Variants in MKLN1 observed in about 807,000 individuals in gnomAD.
The protein encoded by MKLN1 is muskelin 1, also known as muskelin.
In MKLN1, 18 loss-of-function variants were observed where a neutral mutation model predicts 99.0. The observed-to-expected ratio is 0.18, with a 90% CI of 0.13 to 0.27. The LOEUF (loss-of-function observed/expected upper bound fraction) is 0.27, where lower values mean the gene tolerates loss of function less well. Among genes scored for constraint, MKLN1 ranks in the 10% least tolerant of loss-of-function variants. MKLN1 has a pLI of 1.00. For missense variants in MKLN1, 621 were observed against 875.9 expected (o/e 0.71, Z 3.67); for synonymous variants, 288 against 293.2 (o/e 0.98, Z 0.18).
intron 1 of MKLN1, among the ~76,000 whole-genome samples, chr7:131,138,647 ACT>A (rs908611105): frequency 4.6e-5 from 7 of 151,804 alleles, no homozygotes; most frequent in African/African-American, 1.7e-4. Context: ...TTAGATGAAA[ACT>A]CTGCTTTAAG....
At chr7:131,425,444 T>C (rs144112895) in intron 8 of MKLN1, among the ~76,000 whole-genome samples, 243 of 152,330 alleles carry the variant, frequency 1.6e-3, no homozygotes, top group Middle Eastern at 6.8e-3. Context: ...ATCTTTCTTA[T>C]GACATTTAGT....
chr7:131,214,227 A>C (rs1478719706), intron 3 of MKLN1, among the ~76,000 whole-genome samples: 1 of 152,112 alleles, frequency 6.6e-6, no homozygotes, highest in Admixed American at 6.6e-5. Context: ...TCAAGTATTC[A>C]TGGGTCCTCT....
At chr7:131,122,797 G>A (rs1337493443) in intron 1 of MKLN1, among the ~76,000 whole-genome samples, 2 of 151,956 alleles carry the variant, frequency 1.3e-5, no homozygotes, top group African/African-American at 4.8e-5. Flanking sequence ...CGAGGCGGGC[G>A]GATCACGAGG....
chr7:131,371,159 T>G (rs1563315702), intron 1 of MKLN1, among the ~76,000 whole-genome samples: 1 of 152,212 alleles, frequency 6.6e-6, no homozygotes, highest in Non-Finnish European at 1.5e-5. Context: ...AGATATTTAT[T>G]AAGTACCTTG....
chr7:131,259,868 A>G (rs1220416516), intron 3 of MKLN1, among the ~76,000 whole-genome samples: 1 of 152,196 alleles, frequency 6.6e-6, no homozygotes, highest in African/African-American at 2.4e-5. Context: ...CAGGCAAGAG[A>G]AAGAAATAAA....
chr7:131,285,394 C>A (rs1798116973), intron 3 of MKLN1, among the ~76,000 whole-genome samples: 1 of 152,202 alleles, frequency 6.6e-6, no homozygotes, highest in South Asian at 2.1e-4. Context: ...TGTCCACTTT[C>A]CCCCTGGTAC....
At chr7:131,353,287 A>G (rs1563307128) in intron 1 of MKLN1, among the ~76,000 whole-genome samples, 9 of 152,046 alleles carry the variant, frequency 5.9e-5, no homozygotes, top group Admixed American at 5.2e-4. Context: ...TCACTGTTTT[A>G]TCTTTTAGCT....
chr7:131,384,167 CTT>C (rs998645647), intron 2 of MKLN1, among the ~76,000 whole-genome samples: 14 of 144,878 alleles, frequency 9.7e-5, no homozygotes, highest in Non-Finnish European at 9.1e-5. Flanking sequence ...GCATTCACTA[CTT>C]TTTTTTTTTT....
intron 8 of MKLN1, among the ~76,000 whole-genome samples, chr7:131,419,466 T>A (rs1044385551): frequency 6.6e-6 from 1 of 152,002 alleles, no homozygotes; most frequent in Admixed American, 6.6e-5. Context: ...GGTCTTGAAC[T>A]TCTGACCTCA....
At chr7:131,120,125 C>T (rs2895220) in intron 1 of MKLN1, among the ~76,000 whole-genome samples, 39,939 of 135,194 alleles carry the variant, frequency 0.3, 5,948 homozygotes, top group East Asian at 0.58. Flanking sequence ...GAGCTGAGAT[C>T]GTGCCACTGC....
intron 3 of MKLN1, among the ~76,000 whole-genome samples, chr7:131,250,278 A>T (rs917411913): frequency 6.6e-6 from 1 of 152,074 alleles, no homozygotes; most frequent in Non-Finnish European, 1.5e-5. Context: ...CTGAAGCGGG[A>T]ACCCAGGGAA....
At chr7:131,459,176 G>A (rs1796438472) in intron 12 of MKLN1, among the ~76,000 whole-genome samples, 1 of 152,212 alleles carries the variant, frequency 6.6e-6, no homozygotes, top group African/African-American at 2.4e-5. Flanking sequence ...AGGCCCGTCT[G>A]TTCAGATTCT....
intron 1 of MKLN1, among the ~76,000 whole-genome samples, chr7:131,338,944 A>G (rs571991557): frequency 2.3e-4 from 35 of 152,346 alleles, no homozygotes; most frequent in Middle Eastern, 6.8e-3. Flanking sequence ...GATGACAACA[A>G]TGAAGACCTT....
In MKLN1 at chr7:131,275,138, T is replaced by A. The variant is rs538710778; in HGVS notation, c.-179+72164T>A. Among the ~76,000 whole-genome samples, 3 of 152,242 alleles carry A rather than the reference T, an allele frequency of 2.0e-5. No homozygotes were observed. The South Asian group carries it at 6.2e-4, about 32-fold the overall frequency. On this transcript the variant is annotated intron_variant, in intron 3 of 7. Coordinates refer to the MKLN1 transcript ENST00000416992. Reference sequence around the variant, plus strand: ...ATTTATTTCTCACAGTTCTGGAGACTGGAAATCCTAGATCAGGGTGCCAGC... The same window carrying A: ...ATTTATTTCTCACAGTTCTGGAGACAGGAAATCCTAGATCAGGGTGCCAGC...
At chr7:131,170,577 C>T (rs1796200738) in intron 2 of MKLN1, among the ~76,000 whole-genome samples, 1 of 152,162 alleles carries the variant, frequency 6.6e-6, no homozygotes, top group Admixed American at 6.5e-5. Context: ...GTGGGTTCCC[C>T]TTGGCTAGTT....
intron 2 of MKLN1, among the ~76,000 whole-genome samples, chr7:131,378,755 A>G (rs1793745315): frequency 6.6e-6 from 1 of 152,090 alleles, no homozygotes; most frequent in African/African-American, 2.4e-5. Context: ...GCTTGAACCC[A>G]GGAGGTCAAG....
chr7:131,133,970 C>T (rs955870981), intron 1 of MKLN1, among the ~76,000 whole-genome samples: 1 of 151,570 alleles, frequency 6.6e-6, no homozygotes, highest in Non-Finnish European at 1.5e-5. Context: ...GCTGGGATTA[C>T]AGGCGCCTGC....
At position 131,226,283 on chromosome 7, in the gene MKLN1, GA is replaced by G. The variant is rs150945683; in HGVS notation, c.-179+23314del. 5.8e-3 allele frequency among the ~76,000 whole-genome samples: 885 copies of G among 152,310 alleles called. 7 individuals are homozygous for G. The highest frequency in any genetic ancestry group is 0.021 in the African/African-American group (859 of 41,562). The stretch of plus-strand genomic sequence containing the variant: ...TAAATAGATGGGTTTCAGCCCAAGA[GA>G]AAAATGTAAACAAGCCCTTTCTGCA... On this transcript the variant is annotated intron_variant, in intron 3 of 7. Transcript: ENST00000416992.
chr7:131,438,931 A>G (rs1040135032), intron 10 of MKLN1, among the ~76,000 whole-genome samples: 3 of 152,258 alleles, frequency 2.0e-5, no homozygotes, highest in Admixed American at 2.0e-4. Flanking sequence ...TTGCTTTTAA[A>G]CTATCCTATT....
Sources: gnomAD v4.1 joint callset for allele counts (sites outside exome capture counted in the v4.1 genomes callset) on GRCh38, gnomAD v4.1.1 for gene constraint, MANE v1.5 for transcripts, NCBI Gene and HGNC (gene_info 2026-07-23, HGNC 2026-07-21) for gene names.